The following CDK2 variants were observed in gnomAD, a reference collection of about 807,000 sequenced individuals.
The protein encoded by CDK2 is cyclin dependent kinase 2.
A neutral mutation model predicts 35.0 loss-of-function variants in CDK2; 8 were observed. The ratio of observed to expected loss-of-function variants is 0.23; its 90% CI spans 0.13 to 0.41. The LOEUF (loss-of-function observed/expected upper bound fraction) is 0.41, where lower values mean the gene tolerates loss of function less well. Ranked by LOEUF, CDK2 falls within the 10% of genes least tolerant of loss-of-function variation. The pLI is 1.00. For missense variants in CDK2, 201 were observed against 367.1 expected (o/e 0.55, Z 3.70); for synonymous variants, 134 against 137.7 (o/e 0.97, Z 0.19).
Position 55,968,965 on chromosome 12 carries a change from C to T in CDK2, c.486+17C>T. ...ACCCATGAGGTGAGTCCCTTTATGT[C>T]TTTTTTCTCTGAGCTTCCCAAGAGG... On this transcript the variant is annotated intron_variant, in intron 4 of 6. Transcript: ENST00000266970. 6.5e-7 allele frequency: 1 copy of T among 1,541,066 alleles called. No individual in the cohort carries two copies. The highest frequency in any genetic ancestry group is 2.2e-5 in the Admixed American group (1 of 46,208).
In CDK2 at chr12:55,971,995, C is replaced by A; in HGVS notation, c.*370C>A. 5.2e-6 allele frequency: 1 copy of A among 192,304 alleles called. No individual in the cohort carries two copies. Among genetic ancestry groups the A allele is most frequent in the Non-Finnish European group, 1.1e-5 (1 of 93,920 alleles). The allele number at this position is 192,304 out of a possible 1,614,324, so 11.9% of individuals were successfully genotyped here. A position where few individuals can be genotyped will look rare whatever the true frequency, so the allele number is the denominator to read the frequency against. ...TCCAGTGTTTGGGATGACCAGGATC[C>A]CAAGCCTCCTGCTGCCACAATGTTT... On this transcript the variant is annotated 3_prime_UTR_variant, in exon 7 of 7. Coordinates refer to ENST00000266970, the MANE Select transcript of CDK2 (RefSeq NM_001798.5).
At position 55,969,584 on chromosome 12, in the gene CDK2, G is replaced by A. The variant is rs754284323; in HGVS notation, c.588+8G>A. 15 of 1,565,036 alleles carry A rather than the reference G, an allele frequency of 9.6e-6. No homozygotes were observed. The South Asian group carries it at 1.6e-4, about 17-fold the overall frequency. ...TGCATCTTTGCTGAGATGGTATGGA[G>A]GCTTGCCCAAGTTCCACCCAGCCCC... is the stretch of plus-strand genomic sequence containing the variant. On this transcript the variant is annotated splice_region_variant and intron_variant, in intron 5 of 6. Coordinates refer to ENST00000266970, the MANE Select transcript of CDK2 (RefSeq NM_001798.5).
At chr12:55,967,270 A>G (rs1028689326) in intron 1 of CDK2, 146 bp downstream of exon 1, 8 of 651,688 alleles carry the variant, frequency 1.2e-5, no homozygotes, top group African/African-American at 5.4e-5. Flanking sequence ...GGGGGCCAGT[A>G]GAAGGTGAAG....
Position 55,967,942 on chromosome 12 carries a change from T to G in CDK2, c.194+8T>G. On this transcript the variant is annotated splice_region_variant and intron_variant, in intron 2 of 6. Transcript: ENST00000266970. ...CCATCCTAATATTGTCAAGTAAGTA[T>G]GCGTCTGAGAGGTGATCCAGCTGGA... The G allele has an allele frequency of 1.9e-6, 3 of 1,613,976 alleles. No homozygotes were observed. Among genetic ancestry groups the G allele is most frequent in the Non-Finnish European group, 2.5e-6 (3 of 1,179,846 alleles).
chr12:55,967,155 C>T, intron 1 of CDK2, 31 bp downstream of exon 1: 1 of 1,506,042 alleles, frequency 6.6e-7, no homozygotes, highest in Non-Finnish European at 9.2e-7. Context: ...GGACTCCTAA[C>T]TGGGGACCTC....
chr12:55,970,144 TG>T (rs1455011323), intron 5 of CDK2, among the ~76,000 whole-genome samples: 1 of 151,730 alleles, frequency 6.6e-6, no homozygotes, highest in Non-Finnish European at 1.5e-5. Flanking sequence ...TAGCCAGGTG[TG>T]GCTACTTGGG....
chr12:55,967,045 G>C lies in CDK2; in HGVS notation c.37G>C (p.Gly13Arg). ...CCAAAAGGTGGAAAAGATCGGAGAG[G>C]GCACGTACGGAGTTGTGTACAAAGC... ...NFQKVEKIGE[G>R]TYGVVYKARN... is the part of the protein sequence containing the mutation. Residue 13 changes from glycine (G) to arginine (R), a missense_variant, in exon 1 of 7, where the codon GGC becomes CGC. Physicochemically the swap from Gly to Arg is moderately radical, Grantham distance 125. Coordinates refer to ENST00000266970, the MANE Select transcript of CDK2 (RefSeq NM_001798.5). 1 of 1,613,956 alleles carries C rather than the reference G, an allele frequency of 6.2e-7. No individual in the cohort carries two copies. Among genetic ancestry groups the C allele is most frequent in the Non-Finnish European group, 8.5e-7 (1 of 1,179,974 alleles).
rs917952705 is a variant in CDK2 at position 55,967,000 on chromosome 12, T to G, written c.-9T>G. On this transcript the variant is annotated 5_prime_UTR_variant, in exon 1 of 7. Coordinates refer to ENST00000266970, the MANE Select transcript of CDK2 (RefSeq NM_001798.5). ...CCAGGGCCGGGCTGACCCGACTCGCTGGCGCTTCATGGAGAACTTCCAAAA... is the reference window on the plus strand; with the variant it reads ...CCAGGGCCGGGCTGACCCGACTCGCGGGCGCTTCATGGAGAACTTCCAAAA... 6.2e-7 allele frequency: 1 copy of G among 1,605,546 alleles called. No homozygotes were observed. The highest frequency in any genetic ancestry group is 1.3e-5 in the African/African-American group (1 of 74,904).
chr12:55,966,935 A>G lies in CDK2; in HGVS notation c.-74A>G. 4.8e-6 allele frequency: 6 copies of G among 1,247,438 alleles called. No homozygotes were observed. Among genetic ancestry groups the G allele is most frequent in the Non-Finnish European group, 5.7e-6 (5 of 875,388 alleles). The allele number at this position is 1,247,438 out of a possible 1,614,324, so 77.3% of individuals were successfully genotyped here. On this transcript the variant is annotated 5_prime_UTR_variant, in exon 1 of 7. Transcript: ENST00000266970. ...TGTTTCCCCCTCCTCGGCCCCCGAG[A>G]GCCAGGGTCCGCCTTCTGCAGGGTT... is the stretch of plus-strand genomic sequence containing the variant.
intron 5 of CDK2, chr12:55,970,797 C>A: frequency 1.4e-6 from 1 of 696,518 alleles, no homozygotes; most frequent in East Asian, 2.7e-5. Context: ...ACATTCACCC[C>A]CTCCCAGACC....
chr12:55,967,693 C>A, intron 1 of CDK2, 164 bp from the exon 2 acceptor site: 1 of 630,944 alleles, frequency 1.6e-6, no homozygotes, highest in Non-Finnish European at 2.8e-6. Flanking sequence ...CCAAAAACCA[C>A]ACCCTGACTA....
At chr12:55,968,259 T>G in intron 3 of CDK2, 90 bp downstream of exon 3, 1 of 1,432,094 alleles carries the variant, frequency 7.0e-7, no homozygotes, top group Non-Finnish European at 9.7e-7. Context: ...GATTTTGGCC[T>G]CCTTCTGAGC....
At chr12:55,967,190 A>C in intron 1 of CDK2, 66 bp downstream of exon 1, 8 of 1,221,210 alleles carry the variant, frequency 6.6e-6, no homozygotes, top group South Asian at 1.3e-5. Flanking sequence ...CCAACCCCCC[A>C]CGGGCGGGTA....
intron 1 of CDK2, 117 bp downstream of exon 1, chr12:55,967,241 AG>A (rs1889346781): frequency 1.4e-5 from 10 of 726,330 alleles, no homozygotes; most frequent in Non-Finnish European, 2.2e-5. Context: ...GGACTTCTTT[AG>A]AAGTGGAGAG....
Position 55,967,840 on chromosome 12 carries a change from T to C in CDK2, c.117-17T>C, listed in dbSNP as rs1432823142. On this transcript the variant is annotated splice_polypyrimidine_tract_variant and intron_variant, in intron 1 of 6. Coordinates refer to ENST00000266970, the MANE Select transcript of CDK2 (RefSeq NM_001798.5). Reference sequence around the variant, plus strand: ...TTGTAACCATATTCCCATCTCTGCTTTCCCAACCTCTCCAAGTGAGACTGA... The same window carrying C: ...TTGTAACCATATTCCCATCTCTGCTCTCCCAACCTCTCCAAGTGAGACTGA... 6.2e-7 allele frequency: 1 copy of C among 1,608,866 alleles called. No homozygotes were observed. Among genetic ancestry groups the C allele is most frequent in the Non-Finnish European group, 8.5e-7 (1 of 1,175,322 alleles).
chr12:55,969,597 TCCA>T, intron 5 of CDK2, 21 bp downstream of exon 5: 1 of 1,456,260 alleles, frequency 6.9e-7, no homozygotes, highest in Non-Finnish European at 9.5e-7. Flanking sequence ...TTGCCCAAGT[TCCA>T]CCCAGCCCCC....
intron 5 of CDK2, among the ~76,000 whole-genome samples, chr12:55,970,385 T>C (rs775927483): frequency 2.6e-5 from 4 of 151,796 alleles, no homozygotes; most frequent in African/African-American, 4.8e-5. Flanking sequence ...CCTGGCTTTA[T>C]GTAGAAGCTC....
intron 1 of CDK2, 61 bp from the exon 2 acceptor site, chr12:55,967,796 G>T (rs932048405): frequency 5.4e-5 from 75 of 1,394,850 alleles, no homozygotes; most frequent in Non-Finnish European, 6.9e-5. Context: ...AAATGACTAG[G>T]TGGGGGGGAA....
At chr12:55,967,262 G>C (rs1432076271) in intron 1 of CDK2, 138 bp downstream of exon 1, 1 of 669,106 alleles carries the variant, frequency 1.5e-6, no homozygotes, top group African/African-American at 1.8e-5. Context: ...GGTGGGTTGG[G>C]GGCCAGTAGA....
Sources: allele counts gnomAD v4.1 joint callset (sites outside exome capture counted in the v4.1 genomes callset), GRCh38; gene constraint gnomAD v4.1.1; transcripts MANE v1.5; gene names NCBI Gene and HGNC (gene_info 2026-07-23, HGNC 2026-07-21).